The following PPP4R1 variants were observed in gnomAD, a reference collection of about 807,000 sequenced individuals.
PPP4R1 encodes serine/threonine-protein phosphatase 4 regulatory subunit 1.
PPP4R1 carries 42 observed loss-of-function variants against 111.2 expected under a neutral mutation model. The ratio of observed to expected loss-of-function variants is 0.38; its 90% CI spans 0.29 to 0.49. The LOEUF (loss-of-function observed/expected upper bound fraction) is 0.49, where lower values mean the gene tolerates loss of function less well. Ranked by LOEUF, PPP4R1 falls within the 20% of genes least tolerant of loss-of-function variation. PPP4R1 has a pLI of 0.97. For synonymous variants in PPP4R1, 409 were observed against 405.5 expected (o/e 1.01, Z -0.10); for missense variants, 1,012 against 1,161.6 (o/e 0.87, Z 1.87).
intron 11 of PPP4R1, among the ~76,000 whole-genome samples, chr18:9,568,255 C>A (rs952079135): frequency 2.0e-4 from 31 of 152,082 alleles, no homozygotes; most frequent in Non-Finnish European, 7.4e-5. Context: ...AAACTCTTGG[C>A]CTTAAGCTAT....
chr18:9,556,037 T>C (rs1277979151), intron 15 of PPP4R1, among the ~76,000 whole-genome samples: 4 of 150,616 alleles, frequency 2.7e-5, no homozygotes, highest in Admixed American at 2.6e-4. Context: ...GGCACGCACC[T>C]GTAGTCCCAG....
intron 15 of PPP4R1, among the ~76,000 whole-genome samples, chr18:9,555,729 A>T (rs1407485817): frequency 6.6e-6 from 1 of 152,254 alleles, no homozygotes; most frequent in African/African-American, 2.4e-5. Context: ...CAAAAATGCC[A>T]GTGACACCTA....
At chr18:9,616,899 T>A (rs903526574), upstream of PPP4R1, among the ~76,000 whole-genome samples, 3 of 152,232 alleles carry the variant, frequency 2.0e-5, no homozygotes, top group Non-Finnish European at 4.4e-5. Context: ...TCATCTTAGC[T>A]GAATTACACA....
chr18:9,553,237 A>G lies in PPP4R1; in HGVS notation c.2291+85T>C, dbSNP rs2066517563. 3.7e-6 allele frequency: 4 copies of G among 1,075,320 alleles called. No individual in the cohort carries two copies. In the African/African-American group the frequency reaches 6.4e-5, roughly 17 times the overall value. 66.6% of individuals were successfully genotyped at this position (1,075,320 alleles called of 1,614,324 possible). On this transcript the variant is annotated intron_variant, in intron 16 of 19. Transcript: ENST00000400556. ...CCACATAGAAACTTGGATCTACACA[A>G]AGTAATGAAGAAACTGAGAAAATGT...
At chr18:9,590,064 T>C (rs1156359706) in intron 4 of PPP4R1, 1 of 152,176 alleles carries the variant, frequency 6.6e-6, no homozygotes, top group East Asian at 1.9e-4. Context: ...AGGCAATTCA[T>C]AGAAGACATG....
intron 15 of PPP4R1, chr18:9,557,010 A>G (rs1289907143): frequency 7.4e-6 from 3 of 404,412 alleles, no homozygotes; most frequent in Non-Finnish European, 1.3e-5. Flanking sequence ...AAAAGATACA[A>G]ATGTCTGTAA....
intron 19 of PPP4R1, 47 bp from the exon 20 acceptor site, chr18:9,547,999 CA>C: frequency 6.3e-7 from 1 of 1,586,758 alleles, no homozygotes; most frequent in Non-Finnish European, 8.6e-7. Context: ...TCCAACGGAA[CA>C]CTTCAGAGTT....
Position 9,547,642 on chromosome 18 carries a change from G to T in PPP4R1, c.*147C>A. 1.2e-6 allele frequency: 1 copy of T among 839,216 alleles called. No homozygotes were observed. The highest frequency in any genetic ancestry group is 1.9e-6 in the Non-Finnish European group (1 of 531,368). 52.0% of individuals were successfully genotyped at this position (839,216 alleles called of 1,614,324 possible). A position where few individuals can be genotyped will look rare whatever the true frequency, so the allele number is the denominator to read the frequency against. ...CTTGACTCTTGAAATCCCTGGTATT[G>T]GGTGTAGGCAACTTGCACCTGCAAT... On this transcript the variant is annotated 3_prime_UTR_variant, in exon 20 of 20. Transcript: ENST00000400556.
intron 2 of PPP4R1, among the ~76,000 whole-genome samples, chr18:9,602,316 G>C (rs1035913926): frequency 1.4e-5 from 2 of 145,204 alleles, no homozygotes; most frequent in East Asian, 2.0e-4. Context: ...CGGATCATGA[G>C]GTCAGGAGAT....
At chr18:9,557,822 A>G (rs1444597917) in intron 14 of PPP4R1, among the ~76,000 whole-genome samples, 3 of 152,182 alleles carry the variant, frequency 2.0e-5, no homozygotes, top group Non-Finnish European at 4.4e-5. Context: ...TTCCTGTAGC[A>G]CTAAGCACAT....
At chr18:9,568,989 G>A (rs1273571014) in intron 11 of PPP4R1, among the ~76,000 whole-genome samples, 1 of 151,690 alleles carries the variant, frequency 6.6e-6, no homozygotes, top group African/African-American at 2.4e-5. Flanking sequence ...GAGCTGAGAT[G>A]GCACTACTAC....
Position 9,550,278 on chromosome 18 carries a change from C to A in PPP4R1, c.2412G>T (p.Leu804Phe). ...VSSVRWISYK[L>F]VSEMVKKLHA... The stretch of plus-strand genomic sequence containing the variant: ...AAAATTTTAAAAGTTCAATACATAC[C>A]AACTTGTAGGAAATCCAACGAACAG... The change falls in exon 17 of 20, where the codon TTG becomes TTT. Residue 804 changes from leucine to phenylalanine, a missense_variant and splice_region_variant. Transcript: ENST00000400556. 1 of 1,613,894 alleles carries A rather than the reference C, an allele frequency of 6.2e-7. No homozygotes were observed. Among genetic ancestry groups the A allele is most frequent in the Non-Finnish European group, 8.5e-7 (1 of 1,179,966 alleles).
At chr18:9,572,440 G>A (rs935241261) in intron 10 of PPP4R1, among the ~76,000 whole-genome samples, 1 of 152,182 alleles carries the variant, frequency 6.6e-6, no homozygotes, top group South Asian at 2.1e-4. Flanking sequence ...CTGAGAAGAG[G>A]AAAGAATATG....
At chr18:9,553,468 G>A in intron 15 of PPP4R1, 46 bp from the exon 16 acceptor site, 1 of 1,335,334 alleles carries the variant, frequency 7.5e-7, no homozygotes, top group Non-Finnish European at 1.1e-6. Context: ...GGTACAGACA[G>A]TATTTCTTTT....
At chr18:9,584,444 G>A (rs909507458) in intron 8 of PPP4R1, 71 bp downstream of exon 8, 154 of 1,308,716 alleles carry the variant, frequency 1.2e-4, no homozygotes, top group Admixed American at 7.9e-4. Context: ...TGGAGTAAAT[G>A]TGTGCATTTC....
chr18:9,569,911 G>A (rs531813012), intron 11 of PPP4R1, among the ~76,000 whole-genome samples: 15 of 151,850 alleles, frequency 9.9e-5, no homozygotes, highest in East Asian at 3.9e-4. Flanking sequence ...CACCATGCCC[G>A]GCTAATTTTT....
chr18:9,563,741 T>C (rs1598903424), intron 11 of PPP4R1, 191 bp from the exon 12 acceptor site: 2 of 470,044 alleles, frequency 4.3e-6, no homozygotes, highest in Non-Finnish European at 7.4e-6. Context: ...AAAACTAATA[T>C]GCTTTCATGA....
intron 2 of PPP4R1, among the ~76,000 whole-genome samples, chr18:9,600,317 C>T (rs1305760093): frequency 1.3e-5 from 2 of 150,284 alleles, no homozygotes; most frequent in Non-Finnish European, 1.5e-5. Flanking sequence ...TTCAGCTAAC[C>T]CAAAATAAAG....
rs1198419540 is a variant in PPP4R1, at chr18:9,614,537, G to A, written c.-53C>T. Reference sequence around the variant, plus strand: ...GCCCGGGGAGCCGGGGCTACATGGAGCGGCGCGAGCCGGGGAGCCGGTGGA... The same window carrying A: ...GCCCGGGGAGCCGGGGCTACATGGAACGGCGCGAGCCGGGGAGCCGGTGGA... On this transcript the variant is annotated 5_prime_UTR_variant, in exon 1 of 20. Coordinates refer to ENST00000400556, the MANE Select transcript of PPP4R1 (RefSeq NM_001042388.3). The surrounding 1 kb of genome is among the most constrained non-coding windows in gnomAD (Gnocchi z 4.1). The A allele has an allele frequency of 6.0e-6, 6 of 1,003,318 alleles. No individual in the cohort carries two copies. The highest frequency in any genetic ancestry group is 6.1e-5 in the Admixed American group (1 of 16,466). 62.2% of individuals were successfully genotyped at this position (1,003,318 alleles called of 1,614,324 possible).
Sources: allele counts gnomAD v4.1 joint callset (sites outside exome capture counted in the v4.1 genomes callset), GRCh38; gene constraint gnomAD v4.1.1; non-coding constraint Gnocchi (gnomAD v3.1); transcripts MANE v1.5; gene names NCBI Gene and HGNC (gene_info 2026-07-23, HGNC 2026-07-21).